TBC1D9: variants seen among roughly 807,000 people sequenced by gnomAD.
TBC1D9 encodes the protein TBC1 domain family member 9A.
TBC1D9 carries 63 observed loss-of-function variants against 132.0 expected under a neutral mutation model. The observed-to-expected ratio is 0.48, with a 90% CI of 0.39 to 0.59. TBC1D9 has a LOEUF of 0.59. Ranked by LOEUF, TBC1D9 falls within the 20% of genes least tolerant of loss-of-function variation. TBC1D9 has a pLI of 0.00. For missense variants in TBC1D9, 1,261 were observed against 1,592.7 expected, an observed-to-expected ratio of 0.79 and a Z score of 3.54; for synonymous variants, 610 against 609.9, an observed-to-expected ratio of 1.00 and a Z score of 0.00.
rs1490263514 is a variant in TBC1D9 at position 140,746,273 on chromosome 4, T to C, written c.130+9643A>G. ...CAGCTTACTGAAGGAATCACACATT[T>C]GATTTTGTATAACGAGAAACTGTCT... On this transcript the variant is annotated intron_variant, in intron 1 of 20. Coordinates refer to ENST00000442267, the MANE Select transcript of TBC1D9 (RefSeq NM_015130.3). Among the ~76,000 whole-genome samples the C allele has an allele frequency of 2.0e-5, 3 of 152,298 alleles. No individual in the cohort carries two copies. In the East Asian group the frequency reaches 5.8e-4, roughly 29 times the overall value.
chr4:140,656,307 C>T (rs1737271453), intron 13 of TBC1D9, among the ~76,000 whole-genome samples: 1 of 151,950 alleles, frequency 6.6e-6, no homozygotes, highest in Non-Finnish European at 1.5e-5. Flanking sequence ...GTGTGGAGTC[C>T]TAATTAGGGA....
At chr4:140,656,880 C>A (rs1026845505) in intron 13 of TBC1D9, among the ~76,000 whole-genome samples, 5 of 152,168 alleles carry the variant, frequency 3.3e-5, no homozygotes, top group African/African-American at 1.2e-4. Flanking sequence ...TTCTCCCCTC[C>A]GGAGGACACT....
rs1183419053 is a variant in TBC1D9 at position 140,622,202 on chromosome 4, G to T, written c.3794C>A (p.Ser1265Tyr). The T allele has an allele frequency of 3.2e-6, 5 of 1,577,800 alleles. No homozygotes were observed. The highest frequency in any genetic ancestry group is 1.7e-5 in the Admixed American group (1 of 59,250). The change falls in exon 21 of 21, where the codon TCC becomes TAC. Residue 1265 changes from serine (S) to tyrosine (Y), a missense_variant. Physicochemically the swap from Ser to Tyr is moderately radical, Grantham distance 144 (BLOSUM62 -2). This residue lies in a region of TBC1D9 where 618 missense variants were observed against 724.4 expected (regional missense o/e 0.85). Coordinates refer to ENST00000442267, the MANE Select transcript of TBC1D9 (RefSeq NM_015130.3). The stretch of plus-strand genomic sequence containing the variant: ...CCCGGGAAGGCGCCCGTGTCAGCCG[G>T]ACATGGCCGAGATTTCATAGTCACT... ...SASDYEISAM[S>Y]G
At chr4:140,641,305 TGA>T (rs1001864496) in intron 13 of TBC1D9, among the ~76,000 whole-genome samples, 2 of 152,162 alleles carry the variant, frequency 1.3e-5, no homozygotes, top group Non-Finnish European at 2.9e-5. Flanking sequence ...AACAGTTACA[TGA>T]GTGTATTAAA....
rs1234605497 is a variant in TBC1D9 at position 140,624,114 on chromosome 4, A to G, written c.3078+2T>C. On this transcript the variant is annotated splice_donor_variant, in intron 20 of 20. Coordinates refer to ENST00000442267, the MANE Select transcript of TBC1D9 (RefSeq NM_015130.3). LOFTEE classifies it high-confidence loss of function. ...CGAATGATTTGAACTTTAAGCACTT[A>G]CCTGATTTAATTTGGGTAAATCCTT... is the stretch of plus-strand genomic sequence containing the variant. The G allele has an allele frequency of 5.6e-6, 9 of 1,599,238 alleles. No individual in the cohort carries two copies. Among genetic ancestry groups the G allele is most frequent in the Non-Finnish European group, 7.7e-6 (9 of 1,170,964 alleles).
At chr4:140,655,417 C>T (rs1737252265) in intron 13 of TBC1D9, among the ~76,000 whole-genome samples, 1 of 152,170 alleles carries the variant, frequency 6.6e-6, no homozygotes, top group Non-Finnish European at 1.5e-5. Context: ...ACTTTCTGAT[C>T]TCACTCCATT....
rs1042175617 is a variant in TBC1D9, at chr4:140,622,405, C to T, written c.3591G>A (p.Ala1197=). 6 of 1,612,904 alleles carry T rather than the reference C, an allele frequency of 3.7e-6. No homozygotes were observed. The highest frequency in any genetic ancestry group is 1.1e-5 in the South Asian group (1 of 91,030). Residue 1197 remains alanine (A), a synonymous_variant, in exon 21 of 21, where the codon GCG becomes GCA. Transcript: ENST00000442267. Reference sequence around the variant, plus strand: ...CCAGGCTGGTGCTCCGGGGCAGTGCCGCCGTGCCCTGGCCGCTCCGCACCA... The same window carrying T: ...CCAGGCTGGTGCTCCGGGGCAGTGCTGCCGTGCCCTGGCCGCTCCGCACCA... ...TVLVRSGQGT[A]ALPRSTSLDR...
Position 140,756,076 on chromosome 4 carries a change from G to C in TBC1D9, c.-31C>G, listed in dbSNP as rs777922758. 1 of 1,594,852 alleles carries C rather than the reference G, an allele frequency of 6.3e-7. No homozygotes were observed. Among genetic ancestry groups the C allele is most frequent in the African/African-American group, 1.4e-5 (1 of 73,052 alleles). ...TGGCTGCCGCGGGCGGGCGCACAAT[G>C]GGCCCGTGGGTCCAGTCCTGCACCC... On this transcript the variant is annotated 5_prime_UTR_variant, in exon 1 of 21. Coordinates refer to ENST00000442267, the MANE Select transcript of TBC1D9 (RefSeq NM_015130.3). This position sits in a 1 kb window ranked among gnomAD's most constrained non-coding sequence, Gnocchi z 5.6.
At chr4:140,729,332 T>G (rs1011094451) in intron 1 of TBC1D9, among the ~76,000 whole-genome samples, 2 of 152,136 alleles carry the variant, frequency 1.3e-5, no homozygotes, top group Non-Finnish European at 2.9e-5. Context: ...TCAGTTTCAA[T>G]GAGATTTAAC....
chr4:140,663,154 G>A (rs1737391514), intron 9 of TBC1D9, among the ~76,000 whole-genome samples: 1 of 151,970 alleles, frequency 6.6e-6, no homozygotes, highest in Admixed American at 6.6e-5. Context: ...TCTGATAAGG[G>A]GTCAATATAC....
chr4:140,663,293 T>C (rs1038587006), intron 9 of TBC1D9, among the ~76,000 whole-genome samples: 1 of 152,172 alleles, frequency 6.6e-6, no homozygotes, highest in African/African-American at 2.4e-5. Context: ...TATTTAAAGG[T>C]GCTCAACATC....
chr4:140,728,427 T>G (rs1738533051), intron 1 of TBC1D9, among the ~76,000 whole-genome samples: 1 of 151,944 alleles, frequency 6.6e-6, no homozygotes, highest in African/African-American at 2.4e-5. Flanking sequence ...GTAACAGTTT[T>G]AACAAAACTT....
At chr4:140,672,918 G>T (rs1312013374) in intron 6 of TBC1D9, among the ~76,000 whole-genome samples, 1 of 152,170 alleles carries the variant, frequency 6.6e-6, no homozygotes, top group Non-Finnish European at 1.5e-5. Context: ...CCAGCACTTT[G>T]GGAGGCCTAA....
chr4:140,692,774 C>G (rs181416429), intron 2 of TBC1D9, among the ~76,000 whole-genome samples: 1 of 152,152 alleles, frequency 6.6e-6, no homozygotes, highest in Admixed American at 6.5e-5. Flanking sequence ...AATCCCAGCA[C>G]TTTGAGGGGC....
chr4:140,719,008 C>T (rs1458129014), intron 1 of TBC1D9, among the ~76,000 whole-genome samples: 2 of 151,692 alleles, frequency 1.3e-5, no homozygotes, highest in Non-Finnish European at 2.9e-5. Flanking sequence ...TCCAGCTGCT[C>T]GGAGGCTGAG....
At chr4:140,701,134 G>A (rs1212645424) in intron 2 of TBC1D9, among the ~76,000 whole-genome samples, 4 of 152,128 alleles carry the variant, frequency 2.6e-5, no homozygotes, top group Non-Finnish European at 4.4e-5. Flanking sequence ...GACTAGTCTC[G>A]GCCAACTAAG....
At chr4:140,657,346 A>C (rs1737289358) in intron 12 of TBC1D9, 120 bp from the exon 13 acceptor site, 1 of 1,388,138 alleles carries the variant, frequency 7.2e-7, no homozygotes, top group African/African-American at 1.4e-5. Context: ...TTCTTTAAAG[A>C]TGGAAAGAGA....
intron 1 of TBC1D9, among the ~76,000 whole-genome samples, chr4:140,746,451 T>G (rs1200229183): frequency 6.6e-6 from 1 of 152,102 alleles, no homozygotes; most frequent in Admixed American, 6.6e-5. Flanking sequence ...TGGGGGGTGG[T>G]TATAAGAGGA....
Position 140,628,279 on chromosome 4 carries a change from TG to T in TBC1D9, c.2812+20del. ...AGGTCATGGTTACAGACACAAGTAC[TG>T]CTCCATGTAGCTCACTCACCAGGCA... On this transcript the variant is annotated intron_variant, in intron 17 of 20. Transcript: ENST00000442267. 15 of 1,612,736 alleles carry T rather than the reference TG, an allele frequency of 9.3e-6. No homozygotes were observed. Among genetic ancestry groups the T allele is most frequent in the Non-Finnish European group, 1.3e-5 (15 of 1,178,760 alleles).
Sources: allele counts gnomAD v4.1 joint callset (sites outside exome capture counted in the v4.1 genomes callset), GRCh38; gene constraint gnomAD v4.1.1; regional missense constraint gnomAD v4.1.1; non-coding constraint Gnocchi (gnomAD v3.1); transcripts MANE v1.5; gene names NCBI Gene and HGNC (gene_info 2026-07-23, HGNC 2026-07-21).